The following SH2D4A variants were observed in gnomAD, a reference collection of about 807,000 sequenced individuals.
SH2D4A encodes SH2 domain containing 4A.
A neutral mutation model predicts 64.7 loss-of-function variants in SH2D4A; 70 were observed. The observed-to-expected ratio is 1.08, with a 90% confidence interval of 0.89 to 1.32. SH2D4A has a LOEUF of 1.32. Ranked by LOEUF, SH2D4A falls within the 40% of genes most tolerant of loss-of-function variation. The probability of loss-of-function intolerance (pLI) is 0.00; values close to 1 mark genes in which losing one functional copy is unlikely to be tolerated. For missense variants in SH2D4A, 706 were observed against 540.1 expected (o/e 1.31, Z -3.04); for synonymous variants, 268 against 200.7 (o/e 1.34, Z -2.83).
intron 3 of SH2D4A, among the ~76,000 whole-genome samples, chr8:19,333,488 C>T (rs1209875978): frequency 3.3e-5 from 5 of 152,102 alleles, no homozygotes; most frequent in African/African-American, 4.8e-5. Context: ...GCAATGCAGG[C>T]CGACGCAGCT....
At position 19,373,652 on chromosome 8, in the gene SH2D4A, G is replaced by C. The variant is rs1301103887; in HGVS notation, c.1040G>C (p.Trp347Ser). The C allele has an allele frequency of 6.2e-7, 1 of 1,613,060 alleles. No homozygotes were observed. The highest frequency in any genetic ancestry group is 1.7e-5 in the Admixed American group (1 of 59,920). Residue 347 changes from tryptophan to serine, a missense_variant, in exon 8 of 10, where the codon TGG (tryptophan) becomes TCG (serine). Transcript: ENST00000265807. The part of the protein sequence containing the change: ...YQKTSDTIAP[W>S]FHGILTLKKA... Reference sequence around the variant, plus strand: ...AAAACCTCAGACACCATAGCCCCCTGGTTCCATGGTGAGTGCAGAGATTTC... The same window carrying C: ...AAAACCTCAGACACCATAGCCCCCTCGTTCCATGGTGAGTGCAGAGATTTC...
In SH2D4A at chr8:19,334,758, T is replaced by C. The variant is rs369726103; in HGVS notation, c.414T>C (p.Asp138=). ...KSQYHDLQAP[D]NQQTKDIWKK... ...AGTACCATGATCTGCAGGCTCCGGA[T>C]AACCAGCAGACTAAAGACATCTGGA... The change falls in exon 4 of 10, where the codon GAT becomes GAC. Residue 138 remains aspartate, a synonymous_variant. Coordinates refer to ENST00000265807, the MANE Select transcript of SH2D4A (RefSeq NM_022071.4). The C allele has an allele frequency of 6.8e-6, 11 of 1,614,114 alleles. No individual in the cohort carries two copies. Among genetic ancestry groups the C allele is most frequent in the Non-Finnish European group, 8.5e-6 (10 of 1,180,010 alleles).
intron 1 of SH2D4A, among the ~76,000 whole-genome samples, chr8:19,315,432 C>A (rs2052071697): frequency 6.6e-6 from 1 of 152,164 alleles, no homozygotes; most frequent in African/African-American, 2.4e-5. Flanking sequence ...ACTGTGCCCG[C>A]CTACTATTTT....
At position 19,361,331 on chromosome 8, in the gene SH2D4A, C is replaced by G; in HGVS notation, c.706+17C>G. 1.9e-6 allele frequency: 3 copies of G among 1,579,264 alleles called. No homozygotes were observed. Among genetic ancestry groups the G allele is most frequent in the Non-Finnish European group, 2.6e-6 (3 of 1,169,818 alleles). On this transcript the variant is annotated intron_variant, in intron 6 of 9. Coordinates refer to ENST00000265807, the MANE Select transcript of SH2D4A (RefSeq NM_022071.4). ...AGGCATCTCGTGAGTACCCAGAGGT[C>G]TCCATAGCACCTTCCAGGCTCTCAG... is the stretch of plus-strand genomic sequence containing the variant.
Position 19,346,419 on chromosome 8 carries a change from T to A in SH2D4A, c.514-10784T>A, listed in dbSNP as rs556960622. ...AGGGATCTAGGTTGCATGCTCCTCA[T>A]GAGAATCTAATGCCTGACGATCTGT... On this transcript the variant is annotated intron_variant, in intron 4 of 9. Transcript: ENST00000265807. 7.9e-5 allele frequency among the ~76,000 whole-genome samples: 12 copies of A among 152,326 alleles called. 1 individual carries two copies. The South Asian group carries it at 2.5e-3, about 32-fold the overall frequency.
At chr8:19,361,774 T>C (rs889187069) in intron 6 of SH2D4A, among the ~76,000 whole-genome samples, 2 of 152,216 alleles carry the variant, frequency 1.3e-5, no homozygotes, top group Non-Finnish European at 2.9e-5. Context: ...TTTATTTGAA[T>C]GTTTTTCTTG....
At chr8:19,318,774 A>C (rs779321660) in intron 1 of SH2D4A, among the ~76,000 whole-genome samples, 4 of 152,184 alleles carry the variant, frequency 2.6e-5, no homozygotes, top group Non-Finnish European at 4.4e-5. Flanking sequence ...TGTGAAGAGG[A>C]AAGTACATAA....
chr8:19,350,484 T>G (rs73599091), intron 4 of SH2D4A, among the ~76,000 whole-genome samples: 19,618 of 152,130 alleles, frequency 0.13, 1,339 homozygotes, highest in Middle Eastern at 0.19. Context: ...TGCTCTTTAT[T>G]GTTTTGTTTT....
intron 4 of SH2D4A, among the ~76,000 whole-genome samples, chr8:19,352,008 C>T (rs1349080966): frequency 1.3e-5 from 2 of 152,148 alleles, no homozygotes; most frequent in African/African-American, 4.8e-5. Flanking sequence ...GTCTTGAACT[C>T]CTGATCTCAG....
intron 2 of SH2D4A, among the ~76,000 whole-genome samples, chr8:19,324,931 A>G (rs932889462): frequency 6.6e-6 from 1 of 152,082 alleles, no homozygotes; most frequent in Admixed American, 6.5e-5. Context: ...TAAACGTGAA[A>G]CATCACCTTC....
chr8:19,355,806 C>T (rs1043616033), intron 4 of SH2D4A, among the ~76,000 whole-genome samples: 3 of 152,224 alleles, frequency 2.0e-5, no homozygotes, highest in African/African-American at 7.2e-5. Flanking sequence ...GCATTAATCT[C>T]ACCACCTATG....
intron 7 of SH2D4A, among the ~76,000 whole-genome samples, chr8:19,369,743 AT>A (rs1172602004): frequency 6.6e-6 from 1 of 151,844 alleles, no homozygotes. Flanking sequence ...AGCTAAACTT[AT>A]GTGAGTTTTG....
At chr8:19,351,655 T>G (rs565760575) in intron 4 of SH2D4A, among the ~76,000 whole-genome samples, 9 of 152,264 alleles carry the variant, frequency 5.9e-5, no homozygotes, top group Non-Finnish European at 1.2e-4. Context: ...ACTCTTGATT[T>G]TATGCTATTA....
chr8:19,314,349 C>T (rs1056463439), intron 1 of SH2D4A, among the ~76,000 whole-genome samples: 1 of 152,088 alleles, frequency 6.6e-6, no homozygotes, highest in Non-Finnish European at 1.5e-5. Context: ...TGGCGCAGCA[C>T]CCCCGCAGCA....
intron 7 of SH2D4A, among the ~76,000 whole-genome samples, chr8:19,367,661 C>A (rs2053021368): frequency 6.6e-6 from 1 of 152,162 alleles, no homozygotes; most frequent in South Asian, 2.1e-4. Flanking sequence ...TTCTCCCTTT[C>A]TGTAACTTGT....
Position 19,395,843 on chromosome 8 carries a change from C to T in SH2D4A, c.*1201C>T, listed in dbSNP as rs970447777. ...ATGCTGAGTTCATGCTGACTTGTTA[C>T]TATAGCCCCAGAAAGCTAATACAGT... On this transcript the variant is annotated 3_prime_UTR_variant, in exon 10 of 10. Transcript: ENST00000265807. 1 of 152,166 alleles carries T rather than the reference C, an allele frequency of 6.6e-6. No homozygotes were observed. The highest frequency in any genetic ancestry group is 6.5e-5 in the Admixed American group (1 of 15,288). 9.4% of individuals were successfully genotyped at this position (152,166 alleles called of 1,614,324 possible).
At chr8:19,333,850 G>A (rs2052400662) in intron 3 of SH2D4A, among the ~76,000 whole-genome samples, 1 of 152,174 alleles carries the variant, frequency 6.6e-6, no homozygotes, top group Non-Finnish European at 1.5e-5. Flanking sequence ...GAAGGAAAGT[G>A]CAGGCAGAGG....
Position 19,364,094 on chromosome 8 carries a change from TGAGAA to T in SH2D4A, c.734_738del (p.Lys245ThrfsTer5). 1 of 1,613,938 alleles carries T rather than the reference TGAGAA, an allele frequency of 6.2e-7. No individual in the cohort carries two copies. Among genetic ancestry groups the T allele is most frequent in the Non-Finnish European group, 8.5e-7 (1 of 1,179,892 alleles). On this transcript the variant is annotated frameshift_variant, in exon 7 of 10. Coordinates refer to ENST00000265807, the MANE Select transcript of SH2D4A (RefSeq NM_022071.4). LOFTEE classifies it high-confidence loss of function. ...CAGTGCGAAAATCCAAAGCAGCTGA[TGAGAA>T]GAGACGCTCCTTGGCTAAACAAGCA...
intron 5 of SH2D4A, among the ~76,000 whole-genome samples, chr8:19,359,111 C>G (rs10503654): frequency 0.23 from 35,204 of 152,084 alleles, 4,557 homozygotes; most frequent in African/African-American, 0.35. Context: ...AAAATTCTCT[C>G]AGAGACGCAG....
Sources: gnomAD v4.1 joint callset for allele counts (sites outside exome capture counted in the v4.1 genomes callset) on GRCh38, gnomAD v4.1.1 for gene constraint, MANE v1.5 for transcripts, NCBI Gene and HGNC (gene_info 2026-07-23, HGNC 2026-07-21) for gene names.